Variants in SDK1 observed in about 807,000 individuals in gnomAD.
SDK1 encodes the protein protein sidekick-1.
In SDK1, 157 loss-of-function variants were observed where a neutral mutation model predicts 245.5. That is an observed-to-expected ratio of 0.64 (90% CI 0.56 to 0.73). SDK1 has a LOEUF of 0.73. Ranked by LOEUF, SDK1 falls within the 30% of genes least tolerant of loss-of-function variation. The probability of loss-of-function intolerance (pLI) is 0.00; values close to 1 mark genes in which losing one functional copy is unlikely to be tolerated. For synonymous variants in SDK1, 1,647 were observed against 1,278.5 expected, an observed-to-expected ratio of 1.29 and a Z score of -6.15; for missense variants, 3,583 against 3,002.3, an observed-to-expected ratio of 1.19 and a Z score of -4.52.
intron 1 of SDK1, among the ~76,000 whole-genome samples, chr7:3,413,550 G>A (rs1779272867): frequency 6.6e-6 from 1 of 152,046 alleles, no homozygotes; most frequent in African/African-American, 2.4e-5. Context: ...TGAAAATTAG[G>A]CATGGCGGTG....
At chr7:4,202,099 A>T (rs1014419352) in intron 35 of SDK1, among the ~76,000 whole-genome samples, 5 of 152,160 alleles carry the variant, frequency 3.3e-5, no homozygotes, top group Non-Finnish European at 7.4e-5. Context: ...TTTCCAGGAA[A>T]CATCCACATC....
At chr7:4,088,683 A>G (rs959817851) in intron 22 of SDK1, among the ~76,000 whole-genome samples, 2 of 151,944 alleles carry the variant, frequency 1.3e-5, no homozygotes, top group African/African-American at 4.8e-5. Flanking sequence ...CTGTTTCACT[A>G]TTCCGGAGCT....
At chr7:3,601,525 C>CT (rs1191479624) in intron 1 of SDK1, among the ~76,000 whole-genome samples, 1 of 151,566 alleles carries the variant, frequency 6.6e-6, no homozygotes, top group Non-Finnish European at 1.5e-5. Flanking sequence ...TCATAGTATT[C>CT]TTTTTTTAAT....
At chr7:3,571,796 G>A (rs1780125242) in intron 1 of SDK1, among the ~76,000 whole-genome samples, 1 of 152,042 alleles carries the variant, frequency 6.6e-6, no homozygotes, top group African/African-American at 2.4e-5. Context: ...AGCAGTTCCA[G>A]CATGAGTTAT....
At chr7:3,904,520 C>T (rs1297973519) in intron 5 of SDK1, among the ~76,000 whole-genome samples, 1 of 151,962 alleles carries the variant, frequency 6.6e-6, no homozygotes, top group African/African-American at 2.4e-5. Context: ...AGGGCAAGAC[C>T]CTGTCTCTAC....
At chr7:3,910,585 T>C (rs1032075251) in intron 5 of SDK1, among the ~76,000 whole-genome samples, 1 of 152,162 alleles carries the variant, frequency 6.6e-6, no homozygotes, top group African/African-American at 2.4e-5. Context: ...TTTACAGGCC[T>C]CTAAGAAGGT....
chr7:3,806,881 A>C (rs1307753208), intron 4 of SDK1, among the ~76,000 whole-genome samples: 1 of 152,108 alleles, frequency 6.6e-6, no homozygotes, highest in Admixed American at 6.5e-5. Context: ...TTGTCTGGGA[A>C]CTAAGAGTGA....
chr7:4,029,772 A>G lies in SDK1; in HGVS notation c.2602+12420A>G, dbSNP rs939694397. ...GTGACTTGGAGCAAATGGAGATGGC[A>G]TCCCTGTCAAATATGCAGGTGTCAC... On this transcript the variant is annotated intron_variant, in intron 17 of 44. Transcript: ENST00000404826. Among the ~76,000 whole-genome samples the G allele has an allele frequency of 7.9e-5, 12 of 152,308 alleles. No individual in the cohort carries two copies. In the South Asian group the frequency reaches 1.2e-3, roughly 16 times the overall value.
chr7:3,378,111 A>G (rs1370103150), intron 1 of SDK1, among the ~76,000 whole-genome samples: 4 of 152,108 alleles, frequency 2.6e-5, no homozygotes, highest in African/African-American at 9.7e-5. Flanking sequence ...CTTCTTGTTG[A>G]GCCACTCTTG....
chr7:3,702,375 C>G (rs981590178), intron 4 of SDK1, among the ~76,000 whole-genome samples: 1 of 152,128 alleles, frequency 6.6e-6, no homozygotes, highest in African/African-American at 2.4e-5. Flanking sequence ...TAAAAAGCAA[C>G]TGTGTCTTTT....
chr7:3,539,471 G>T (rs1056994995), intron 1 of SDK1, among the ~76,000 whole-genome samples: 5 of 152,176 alleles, frequency 3.3e-5, no homozygotes, highest in African/African-American at 1.2e-4. Flanking sequence ...AGGGTTTCTT[G>T]AGGAAGTTTT....
At chr7:3,556,135 A>G (rs1307647111) in intron 1 of SDK1, among the ~76,000 whole-genome samples, 1 of 152,232 alleles carries the variant, frequency 6.6e-6, no homozygotes, top group Non-Finnish European at 1.5e-5. Flanking sequence ...TTGCAGCACT[A>G]TTCACAATAG....
chr7:3,978,534 T>C (rs183716978), intron 13 of SDK1, among the ~76,000 whole-genome samples: 29 of 152,318 alleles, frequency 1.9e-4, no homozygotes, highest in African/African-American at 6.5e-4. Flanking sequence ...CGTGAATTGT[T>C]AGTGTCACGA....
At chr7:3,910,715 A>T (rs1427857883) in intron 5 of SDK1, among the ~76,000 whole-genome samples, 1 of 152,070 alleles carries the variant, frequency 6.6e-6, no homozygotes, top group Non-Finnish European at 1.5e-5. Flanking sequence ...TTCAGTGTTA[A>T]TTTCTGGAAT....
At chr7:3,918,710 G>C (rs1343568757) in intron 5 of SDK1, among the ~76,000 whole-genome samples, 1 of 152,114 alleles carries the variant, frequency 6.6e-6, no homozygotes, top group Non-Finnish European at 1.5e-5. Flanking sequence ...GTGCCAAAAA[G>C]GCTGGGACCA....
chr7:3,616,475 G>A (rs1266553559), intron 1 of SDK1, among the ~76,000 whole-genome samples: 2 of 152,156 alleles, frequency 1.3e-5, no homozygotes, highest in African/African-American at 4.8e-5. Flanking sequence ...AAGGGTACTC[G>A]CCATGTTTGC....
chr7:3,781,765 G>C (rs1378081219), intron 4 of SDK1, among the ~76,000 whole-genome samples: 1 of 152,044 alleles, frequency 6.6e-6, no homozygotes, highest in Non-Finnish European at 1.5e-5. Flanking sequence ...AAAATACAGT[G>C]GCTGAGTTGA....
chr7:4,028,784 G>A (rs1468043306), intron 17 of SDK1, among the ~76,000 whole-genome samples: 3 of 152,144 alleles, frequency 2.0e-5, no homozygotes, highest in East Asian at 1.9e-4. Flanking sequence ...TGTTAAACAC[G>A]GGATTTTGTT....
chr7:3,863,057 C>T (rs1276109552), intron 5 of SDK1, among the ~76,000 whole-genome samples: 1 of 152,168 alleles, frequency 6.6e-6, no homozygotes, highest in Non-Finnish European at 1.5e-5. Context: ...GAACCCATAC[C>T]AGTCTGCGGC....
Sources: gnomAD v4.1 joint callset for allele counts (sites outside exome capture counted in the v4.1 genomes callset) on GRCh38, gnomAD v4.1.1 for gene constraint, MANE v1.5 for transcripts, NCBI Gene and HGNC (gene_info 2026-07-23, HGNC 2026-07-21) for gene names.